The following DCST1 variants were observed in gnomAD, a reference collection of about 807,000 sequenced individuals.
DCST1 encodes DC-STAMP domain containing 1.
Under a neutral mutation model 89.1 loss-of-function variants are expected in DCST1, and 78 were observed. The observed-to-expected ratio is 0.88, with a 90% confidence interval of 0.73 to 1.06. The LOEUF (loss-of-function observed/expected upper bound fraction) is 1.06, where lower values mean the gene tolerates loss of function less well. Ranked by LOEUF, DCST1 falls within the 50% of genes least tolerant of loss-of-function variation. The pLI is 0.00. For synonymous variants in DCST1, 364 were observed against 371.9 expected (o/e 0.98, Z 0.24); for missense variants, 900 against 928.6 (o/e 0.97, Z 0.40).
intron 5 of DCST1, 111 bp from the exon 6 acceptor site, chr1:155,040,374 C>T: frequency 2.5e-6 from 3 of 1,191,648 alleles, no homozygotes; most frequent in Non-Finnish European, 3.4e-6. Flanking sequence ...GCTCTCGGCC[C>T]CACCACTGTA....
chr1:155,034,519 C>T lies in DCST1; in HGVS notation c.146C>T (p.Ala49Val), dbSNP rs763657582. The change falls in exon 3 of 17, where the codon GCT becomes GTT. Residue 49 changes from alanine to valine, a missense_variant. By Grantham distance (64) the Ala-to-Val change is moderately conservative (BLOSUM62 0). Coordinates refer to ENST00000295542, the MANE Select transcript of DCST1 (RefSeq NM_152494.4). Reference protein sequence around the residue: ...WRQPGEFPVTALLLGAGAGGL... With the variant: ...WRQPGEFPVTVLLLGAGAGGL... ...CAGCCGGGCGAGTTTCCTGTCACTG[C>T]TCTCCTGCTGGGGGCAGGCGCTGGG... 14 of 1,613,512 alleles carry T rather than the reference C, an allele frequency of 8.7e-6. No homozygotes were observed. The South Asian group carries it at 1.4e-4, about 16-fold the overall frequency.
At chr1:155,044,480 CAAAAAAAAAAA>C (rs57888793) in intron 10 of DCST1, among the ~76,000 whole-genome samples, 1 of 63,178 alleles carries the variant, frequency 1.6e-5, no homozygotes, top group South Asian at 6.5e-4. Context: ...GAGCTTGTCT[CAAAAAAAAAAA>C]AAAAAAAAAA....
intron 13 of DCST1, 52 bp from the exon 14 acceptor site, chr1:155,047,144 T>C: frequency 7.0e-7 from 1 of 1,434,398 alleles, no homozygotes; most frequent in South Asian, 1.1e-5. Context: ...CCTTAACACA[T>C]TCCTGATTTC....
At chr1:155,034,355 C>G in intron 2 of DCST1, 80 bp from the exon 3 acceptor site, 1 of 1,610,012 alleles carries the variant, frequency 6.2e-7, no homozygotes, top group Non-Finnish European at 8.5e-7. Context: ...CAGCCTCTAT[C>G]CACCTGCAAG....
intron 5 of DCST1, 120 bp from the exon 6 acceptor site, chr1:155,040,365 C>A: frequency 1.9e-6 from 2 of 1,062,672 alleles, no homozygotes; most frequent in Non-Finnish European, 2.6e-6. Context: ...CTTTCATAGG[C>A]TCTCGGCCCC....
At chr1:155,037,116 C>T (rs1451824258) in intron 4 of DCST1, among the ~76,000 whole-genome samples, 1 of 152,184 alleles carries the variant, frequency 6.6e-6, no homozygotes, top group Admixed American at 6.5e-5. Context: ...GAAGCAGATG[C>T]CAGTCTCCAT....
chr1:155,043,428 AC>A lies in DCST1; in HGVS notation c.1093del (p.Arg365AlafsTer89). On this transcript the variant is annotated frameshift_variant, in exon 10 of 17. Coordinates refer to ENST00000295542, the MANE Select transcript of DCST1 (RefSeq NM_152494.4). LOFTEE classifies it high-confidence loss of function. ...AGCACCGAGGTGCGGGACTACGTGTACCGCCAGGAGGCCCGGCTGGAGTGGG... is the reference window on the plus strand; with the variant it reads ...AGCACCGAGGTGCGGGACTACGTGTACGCCAGGAGGCCCGGCTGGAGTGGG... The part of the protein sequence containing the change: ...RVSTEVRDYV[Y>X]RQEARLEWAL... 6.2e-7 allele frequency: 1 copy of A among 1,613,640 alleles called. No individual in the cohort carries two copies. Among genetic ancestry groups the A allele is most frequent in the South Asian group, 1.1e-5 (1 of 91,062 alleles).
Position 155,045,907 on chromosome 1 carries a change from T to G in DCST1, c.1187T>G (p.Met396Arg). ...LLVLHASFSYMDSYNHDIRFD... is the reference protein window; with the variant it reads ...LLVLHASFSYRDSYNHDIRFD... ...TCCACCCACAGGTCTTTCTCCTACA[T>G]GGACAGCTATAACCATGACATTCGT... Residue 396 changes from methionine to arginine, a missense_variant, in exon 11 of 17, where the codon ATG (methionine) becomes AGG (arginine). Physicochemically the swap from Met to Arg is moderately conservative, Grantham distance 91. Transcript: ENST00000295542. 3 of 1,614,174 alleles carry G rather than the reference T, an allele frequency of 1.9e-6. No individual in the cohort carries two copies. Among genetic ancestry groups the G allele is most frequent in the Non-Finnish European group, 2.5e-6 (3 of 1,179,976 alleles).
At chr1:155,044,559 C>T (rs1429084899) in intron 10 of DCST1, among the ~76,000 whole-genome samples, 1 of 149,974 alleles carries the variant, frequency 6.7e-6, no homozygotes, top group Non-Finnish European at 1.5e-5. Flanking sequence ...GGTTCAAGGG[C>T]CATTCTATGG....
In DCST1 at chr1:155,045,983, GAAGA is replaced by G; in HGVS notation, c.1265_1268del (p.Lys422SerfsTer31). 1 of 1,614,230 alleles carries G rather than the reference GAAGA, an allele frequency of 6.2e-7. No homozygotes were observed. The highest frequency in any genetic ancestry group is 8.5e-7 in the Non-Finnish European group (1 of 1,180,048). On this transcript the variant is annotated frameshift_variant, in exon 11 of 17. Coordinates refer to ENST00000295542, the MANE Select transcript of DCST1 (RefSeq NM_152494.4). LOFTEE classifies it high-confidence loss of function. ...ACTTCTGCCAGATCGATGACCGCAGGAAGAAGCTGGTGAGTGGGCACGGCACTGC... is the reference window on the plus strand; with the variant it reads ...ACTTCTGCCAGATCGATGACCGCAGGAGCTGGTGAGTGGGCACGGCACTGC...
rs375949243 is a variant in DCST1, at chr1:155,047,949, T to G, written c.1755+20T>G. The G allele has an allele frequency of 8.7e-6, 14 of 1,613,196 alleles. No individual in the cohort carries two copies. The East Asian group carries it at 2.0e-4, about 23-fold the overall frequency. ...CCCAAGGTTTGCCCCTCCCCAGACC[T>G]CTCCACCCCTACACACCTGCACACA... On this transcript the variant is annotated intron_variant, in intron 15 of 16. Coordinates refer to ENST00000295542, the MANE Select transcript of DCST1 (RefSeq NM_152494.4).
At chr1:155,049,227 A>C in intron 16 of DCST1, 1 of 580,402 alleles carries the variant, frequency 1.7e-6, no homozygotes, top group South Asian at 2.3e-5. Flanking sequence ...GGGGTTAACT[A>C]CTCCATCTGG....
At chr1:155,043,294 G>A in intron 9 of DCST1, 58 bp from the exon 10 acceptor site, 1 of 1,611,772 alleles carries the variant, frequency 6.2e-7, no homozygotes, top group Non-Finnish European at 8.5e-7. Flanking sequence ...ATGAAGAGGT[G>A]GGACCCAGGT....
At chr1:155,034,138 C>A in intron 2 of DCST1, 41 bp downstream of exon 2, 1 of 1,610,788 alleles carries the variant, frequency 6.2e-7, no homozygotes, top group Non-Finnish European at 8.5e-7. Context: ...TTGACCTCCA[C>A]TCTCATCCCA....
chr1:155,046,549 T>C, intron 13 of DCST1, 63 bp downstream of exon 13: 1 of 1,535,130 alleles, frequency 6.5e-7, no homozygotes, highest in Non-Finnish European at 8.8e-7. Flanking sequence ...CTCCAATGCC[T>C]GCACAGCCAC....
At position 155,046,483 on chromosome 1, in the gene DCST1, C is replaced by G. The variant is rs766541206; in HGVS notation, c.1492C>G (p.Arg498Gly). The change falls in exon 13 of 17, where the codon CGC becomes GGC. Residue 498 changes from arginine to glycine, a missense_variant. Arg to Gly is a moderately radical substitution (Grantham distance 125). Transcript: ENST00000295542. ...CCACTCCTTCCTGCAGTACTCCTTCCGCAGTAAGCCCATCCCCCAGACACA... is the reference window on the plus strand; with the variant it reads ...CCACTCCTTCCTGCAGTACTCCTTCGGCAGTAAGCCCATCCCCCAGACACA... ...RHHSFLQYSFRSSHKLEVKVG... is the reference protein window; with the variant it reads ...RHHSFLQYSFGSSHKLEVKVG... 3.1e-6 allele frequency: 5 copies of G among 1,613,958 alleles called. No individual in the cohort carries two copies. In the South Asian group the frequency reaches 5.5e-5, roughly 18 times the overall value.
rs757029598 is a variant in DCST1 at position 155,043,410 on chromosome 1, AGGTGCGGGACTACGT to A, written c.1075_1089del (p.Val359_Val363del). 7.1e-4 allele frequency: 1,151 copies of A among 1,613,826 alleles called. 1 individual carries two copies. The highest frequency in any genetic ancestry group is 6.6e-4 in the Non-Finnish European group (778 of 1,179,946). Reference sequence around the variant, plus strand: ...ACAAGCTGGGAGCGCGTGAGCACCGAGGTGCGGGACTACGTGTACCGCCAGGAGGCCCGGCTGGAG... The same window carrying A: ...ACAAGCTGGGAGCGCGTGAGCACCGAGTACCGCCAGGAGGCCCGGCTGGAG... On this transcript the variant is annotated inframe_deletion, in exon 10 of 17. Transcript: ENST00000295542.
Position 155,041,701 on chromosome 1 carries a change from C to T in DCST1, c.749-13C>T. 1 of 1,614,222 alleles carries T rather than the reference C, an allele frequency of 6.2e-7. No homozygotes were observed. Among genetic ancestry groups the T allele is most frequent in the Non-Finnish European group, 8.5e-7 (1 of 1,180,026 alleles). ...GATGTGGGAACCTCAGACACCCTTGCTCCTTCCTACAGATGTGGTGAACCA... is the reference window on the plus strand; with the variant it reads ...GATGTGGGAACCTCAGACACCCTTGTTCCTTCCTACAGATGTGGTGAACCA... On this transcript the variant is annotated splice_polypyrimidine_tract_variant and intron_variant, in intron 7 of 16. Coordinates refer to ENST00000295542, the MANE Select transcript of DCST1 (RefSeq NM_152494.4).
Position 155,050,763 on chromosome 1 carries a change from G to C in DCST1, c.2016G>C (p.Ser672=), listed in dbSNP as rs201798313. The C allele has an allele frequency of 6.2e-7, 1 of 1,611,564 alleles. No individual in the cohort carries two copies. The highest frequency in any genetic ancestry group is 2.2e-5 in the East Asian group (1 of 44,774). Residue 672 remains serine (S), a synonymous_variant, in exon 17 of 17, where the codon TCG becomes TCC. Transcript: ENST00000295542. ...ACTGCGAGGCCGTGTACTGCTGGTC[G>C]TGCTGGGACGACATGCGGCAGCGGT... ...TLDCEAVYCW[S]CWDDMRQRCP... is the part of the protein sequence containing the mutation.
Sources: allele counts gnomAD v4.1 joint callset (sites outside exome capture counted in the v4.1 genomes callset), GRCh38; gene constraint gnomAD v4.1.1; transcripts MANE v1.5; gene names NCBI Gene and HGNC (gene_info 2026-07-23, HGNC 2026-07-21).